Variants in TTC28 observed in about 807,000 individuals in gnomAD.
TTC28 encodes tetratricopeptide repeat protein 28.
In TTC28, 61 loss-of-function variants were observed where a neutral mutation model predicts 198.0. That is an observed-to-expected ratio of 0.31 (90% confidence interval 0.25 to 0.38). The LOEUF is 0.38. Ranked by LOEUF, TTC28 falls within the 10% of genes least tolerant of loss-of-function variation. The pLI, the probability that TTC28 is intolerant of heterozygous loss-of-function variation, is 1.00. For synonymous variants in TTC28, 1,171 were observed against 1,297.8 expected (o/e 0.90, Z 2.10); for missense variants, 2,678 against 3,164.0 (o/e 0.85, Z 3.69).
Position 27,989,914 on chromosome 22 carries a change from G to T in TTC28, c.5671C>A (p.Arg1891=). The change falls in exon 21 of 23, where the codon CGG becomes AGG. Residue 1891 remains arginine (R), a synonymous_variant. Coordinates refer to ENST00000397906, the MANE Select transcript of TTC28 (RefSeq NM_001145418.2). ...AGGAACTCGTGGCATCCCGGGAGCC[G>T]CCACAGCTGGACGCTGATGGAGACC... ...IQVSISVQLW[R]LPGCHEFLAA... is the part of the protein sequence containing the mutation. 1.9e-6 allele frequency: 3 copies of T among 1,551,180 alleles called. No individual in the cohort carries two copies. The highest frequency in any genetic ancestry group is 2.6e-6 in the Non-Finnish European group (3 of 1,146,764).
intron 6 of TTC28, among the ~76,000 whole-genome samples, chr22:28,112,731 C>T (rs1242619308): frequency 4.6e-5 from 7 of 152,154 alleles, no homozygotes; most frequent in Non-Finnish European, 8.8e-5. Flanking sequence ...CCTTCCCTTT[C>T]GAGACCACAG....
At position 28,203,150 on chromosome 22, in the gene TTC28, G is replaced by A. The variant is rs183459931; in HGVS notation, c.934-39551C>T. Among the ~76,000 whole-genome samples the A allele has an allele frequency of 2.0e-5, 3 of 152,092 alleles. No homozygotes were observed. In the East Asian group the frequency reaches 5.8e-4, roughly 29 times the overall value. On this transcript the variant is annotated intron_variant, in intron 5 of 22. Transcript: ENST00000397906. ...AATTTTTTTAGTGGAAAAAAAACAT[G>A]GTAAAGTGAGGCAAACATGGACTTT...
chr22:28,466,246 A>C (rs917459825), intron 2 of TTC28, among the ~76,000 whole-genome samples: 4 of 152,230 alleles, frequency 2.6e-5, no homozygotes, highest in Non-Finnish European at 2.9e-5. Context: ...AATACTTCGC[A>C]TGAAGAGCAT....
At chr22:28,625,427 G>T (rs2146195778) in intron 2 of TTC28, among the ~76,000 whole-genome samples, 1 of 152,208 alleles carries the variant, frequency 6.6e-6, no homozygotes, top group South Asian at 2.1e-4. Context: ...AAAGTTAGAA[G>T]ATAAAGTTAT....
At chr22:28,252,072 A>G (rs1475534393) in intron 5 of TTC28, among the ~76,000 whole-genome samples, 3 of 152,206 alleles carry the variant, frequency 2.0e-5, no homozygotes, top group Non-Finnish European at 2.9e-5. Flanking sequence ...AGATGGCTAC[A>G]TGGTAACATG....
At chr22:28,204,142 T>C (rs551432938) in intron 5 of TTC28, among the ~76,000 whole-genome samples, 4 of 152,272 alleles carry the variant, frequency 2.6e-5, no homozygotes, top group Middle Eastern at 3.4e-3. Context: ...GTCTGTTGCA[T>C]AGACTTCAGC....
intron 12 of TTC28, among the ~76,000 whole-genome samples, chr22:28,079,711 C>G (rs1331319786): frequency 2.0e-5 from 3 of 152,108 alleles, no homozygotes; most frequent in Non-Finnish European, 4.4e-5. Flanking sequence ...CATGGTGTAG[C>G]ATGTGACAGG....
intron 17 of TTC28, 100 bp from the exon 18 acceptor site, chr22:27,993,618 A>G: frequency 8.1e-7 from 1 of 1,229,638 alleles, no homozygotes; most frequent in Non-Finnish European, 1.1e-6. Flanking sequence ...AGCCAGGCTG[A>G]CTGCTGCAAC....
chr22:28,338,018 T>C (rs541030347), intron 2 of TTC28, among the ~76,000 whole-genome samples: 4 of 152,232 alleles, frequency 2.6e-5, no homozygotes, highest in Admixed American at 2.6e-4. Context: ...CTTCAGGAGC[T>C]CTTTTAGGGC....
intron 12 of TTC28, among the ~76,000 whole-genome samples, chr22:28,064,918 A>T (rs1267272023): frequency 6.6e-6 from 1 of 152,218 alleles, no homozygotes; most frequent in Non-Finnish European, 1.5e-5. Context: ...TGAATTTCGT[A>T]CCATGTGCAA....
chr22:28,163,238 A>T lies in TTC28; in HGVS notation c.1295T>A (p.Ile432Asn). The T allele has an allele frequency of 6.4e-7, 1 of 1,551,780 alleles. No individual in the cohort carries two copies. The highest frequency in any genetic ancestry group is 8.7e-7 in the Non-Finnish European group (1 of 1,147,032). Residue 432 changes from isoleucine to asparagine, a missense_variant, in exon 6 of 23, where the codon ATT becomes AAT. By Grantham distance (149) the Ile-to-Asn change is moderately radical (BLOSUM62 -3). Coordinates refer to ENST00000397906, the MANE Select transcript of TTC28 (RefSeq NM_001145418.2). ...ELAQELMEKA[I>N]EMRAYAGLGH... ...TAGTCCAGCATAGGCCCGCATCTCA[A>T]TAGCCTTCTCCATCAACTCCTGTGC...
At position 28,424,320 on chromosome 22, in the gene TTC28, C is replaced by G. The variant is rs139864514; in HGVS notation, c.382-117677G>C. Among the ~76,000 whole-genome samples the G allele has an allele frequency of 3.3e-3, 504 of 152,262 alleles. 1 individual carries two copies. The highest frequency in any genetic ancestry group is 0.01 in the African/African-American group (434 of 41,550). On this transcript the variant is annotated intron_variant, in intron 2 of 22. Coordinates refer to ENST00000397906, the MANE Select transcript of TTC28 (RefSeq NM_001145418.2). ...GTAATGCCCTGCCTGAAACAAAACCCTCTACTCCTCTCCATGGGGCAAATT... is the reference window on the plus strand; with the variant it reads ...GTAATGCCCTGCCTGAAACAAAACCGTCTACTCCTCTCCATGGGGCAAATT...
At chr22:28,000,903 G>A (rs1440311345) in intron 15 of TTC28, 4 of 157,956 alleles carry the variant, frequency 2.5e-5, no homozygotes, top group African/African-American at 7.2e-5. Context: ...CAGTTCCACT[G>A]GCCTGTCGGG....
intron 6 of TTC28, among the ~76,000 whole-genome samples, chr22:28,138,374 ATC>A (rs750254504): frequency 3.0e-4 from 45 of 152,188 alleles, no homozygotes; most frequent in Non-Finnish European, 5.9e-4. Context: ...GCTCCAATAA[ATC>A]TCTTTCTGTC....
At chr22:28,603,242 T>C (rs887070263) in intron 2 of TTC28, among the ~76,000 whole-genome samples, 2 of 152,198 alleles carry the variant, frequency 1.3e-5, no homozygotes, top group African/African-American at 4.8e-5. Context: ...TTTCATCATT[T>C]GGAAAGAAAT....
At chr22:28,497,200 A>G (rs1309281548) in intron 2 of TTC28, among the ~76,000 whole-genome samples, 2 of 152,154 alleles carry the variant, frequency 1.3e-5, no homozygotes, top group Non-Finnish European at 2.9e-5. Flanking sequence ...ACTCTGGGAG[A>G]ACAAGGAGAA....
chr22:28,575,099 C>T (rs2050124734), intron 2 of TTC28, among the ~76,000 whole-genome samples: 1 of 152,102 alleles, frequency 6.6e-6, no homozygotes, highest in Non-Finnish European at 1.5e-5. Context: ...GAAATATTTG[C>T]CCACTCCAAT....
chr22:28,337,732 G>C (rs1353334884), intron 2 of TTC28, among the ~76,000 whole-genome samples: 1 of 152,088 alleles, frequency 6.6e-6, no homozygotes, highest in East Asian at 1.9e-4. Context: ...GCCTATGTGT[G>C]TCTCTGCACG....
At chr22:28,240,215 G>T (rs537460343) in intron 5 of TTC28, among the ~76,000 whole-genome samples, 1 of 152,324 alleles carries the variant, frequency 6.6e-6, no homozygotes, top group East Asian at 1.9e-4. Flanking sequence ...TTTTACAGTG[G>T]TATGAATTAG....
Sources: gnomAD v4.1 joint callset for allele counts (sites outside exome capture counted in the v4.1 genomes callset) on GRCh38, gnomAD v4.1.1 for gene constraint, MANE v1.5 for transcripts, NCBI Gene and HGNC (gene_info 2026-07-23, HGNC 2026-07-21) for gene names.